INTS9: variants seen among roughly 807,000 people sequenced by gnomAD.
The protein encoded by INTS9 is integrator complex subunit 9.
Under a neutral mutation model 79.7 loss-of-function variants are expected in INTS9, and 55 were observed. The observed-to-expected ratio is 0.69, with a 90% CI of 0.56 to 0.86. INTS9 has a LOEUF of 0.86. Among genes scored for constraint, INTS9 ranks in the 40% least tolerant of loss-of-function variants. The probability of loss-of-function intolerance (pLI) is 0.00; values close to 1 mark genes in which losing one functional copy is unlikely to be tolerated. For missense variants in INTS9, 721 were observed against 831.5 expected (o/e 0.87, Z 1.64); for synonymous variants, 319 against 325.2 (o/e 0.98, Z 0.20).
chr8:28,880,157 G>C (rs1247783185), intron 1 of INTS9, among the ~76,000 whole-genome samples: 1 of 151,982 alleles, frequency 6.6e-6, no homozygotes, highest in African/African-American at 2.4e-5. Flanking sequence ...GAGGAAAGAA[G>C]ACTTATAAAG....
intron 8 of INTS9, among the ~76,000 whole-genome samples, chr8:28,805,652 AG>A (rs1804766946): frequency 6.6e-6 from 1 of 152,196 alleles, no homozygotes; most frequent in African/African-American, 2.4e-5. Context: ...GCAAAGGAAG[AG>A]ATGAGGGGAG....
intron 11 of INTS9, among the ~76,000 whole-genome samples, chr8:28,786,433 G>C (rs777815281): frequency 2.6e-5 from 4 of 152,108 alleles, no homozygotes; most frequent in African/African-American, 4.8e-5. Flanking sequence ...TAGAACTACA[G>C]GCATGTGCCA....
intron 11 of INTS9, among the ~76,000 whole-genome samples, chr8:28,786,282 A>G (rs1481272376): frequency 6.6e-6 from 1 of 151,556 alleles, no homozygotes; most frequent in Non-Finnish European, 1.5e-5. Context: ...CAAAAATTTT[A>G]GATTTTTTTT....
chr8:28,884,735 G>C (rs1178552882), intron 1 of INTS9, among the ~76,000 whole-genome samples: 9 of 152,164 alleles, frequency 5.9e-5, no homozygotes, highest in Non-Finnish European at 1.0e-4. Context: ...AAAGACACAG[G>C]AGGGCACTCT....
rs1489263390 is a variant in INTS9 at position 28,768,208 on chromosome 8, T to C, written c.1915A>G (p.Asn639Asp). The C allele has an allele frequency of 6.2e-7, 1 of 1,614,178 alleles. No individual in the cohort carries two copies. Among genetic ancestry groups the C allele is most frequent in the South Asian group, 1.1e-5 (1 of 91,080 alleles). ...AGTCGCACTCTGAGCATCTCGTCAT[T>C]GTCGCAGATGATATGGGTCGAGTCT... Reference protein sequence around the residue: ...EEDSTHIICDNDEMLRVRLRD... With the variant: ...EEDSTHIICDDDEMLRVRLRD... Residue 639 changes from asparagine (N) to aspartate (D), a missense_variant, in exon 17 of 17, where the codon AAT (asparagine) becomes GAT (aspartate). Transcript: ENST00000521022.
At position 28,821,448 on chromosome 8, in the gene INTS9, G is replaced by T. The variant is rs1805823019; in HGVS notation, c.489-7836C>A. 3.3e-5 allele frequency among the ~76,000 whole-genome samples: 5 copies of T among 152,268 alleles called. No individual in the cohort carries two copies. In the South Asian group the frequency reaches 1.0e-3, roughly 32 times the overall value. ...CCATGATTCCATTATCTCCCCCTGG[G>T]TCCCTCCCACAACATGTGGGAATTC... On this transcript the variant is annotated intron_variant, in intron 6 of 16. Transcript: ENST00000521022.
rs1205695636 is a variant in INTS9, at chr8:28,768,262, C to T, written c.1861G>A (p.Glu621Lys). The T allele has an allele frequency of 6.2e-7, 1 of 1,614,062 alleles. No homozygotes were observed. Among genetic ancestry groups the T allele is most frequent in the East Asian group, 2.2e-5 (1 of 44,888 alleles). The change falls in exon 17 of 17, where the codon GAG (glutamate) becomes AAG (lysine). Residue 621 changes from glutamate (E) to lysine (K), a missense_variant. Physicochemically the swap from Glu to Lys is moderately conservative, Grantham distance 56 (BLOSUM62 1). This residue lies in a region of INTS9 where 281 missense variants were observed against 300.8 expected (regional missense o/e 0.93). Coordinates refer to ENST00000521022, the MANE Select transcript of INTS9 (RefSeq NM_018250.4). ...TCAATCTGGATGAGCGTCTCAGCCT[C>T]CTGGAGCAGGACGATATGGCCCTTG... is the stretch of plus-strand genomic sequence containing the variant. ...TAKGHIVLLQ[E>K]AETLIQIEED...
At chr8:28,812,176 G>A in intron 8 of INTS9, 151 bp downstream of exon 8, 1 of 766,810 alleles carries the variant, frequency 1.3e-6, no homozygotes, top group South Asian at 1.9e-5. Flanking sequence ...AGGTCAAAAT[G>A]TTGAGACTCA....
intron 3 of INTS9, among the ~76,000 whole-genome samples, chr8:28,847,990 G>C (rs923538741): frequency 5.3e-5 from 8 of 152,202 alleles, no homozygotes. Flanking sequence ...TACAGATACC[G>C]GCAGCTGGAA....
intron 10 of INTS9, among the ~76,000 whole-genome samples, chr8:28,789,856 C>T (rs1433915624): frequency 2.0e-5 from 3 of 150,844 alleles, no homozygotes; most frequent in African/African-American, 4.9e-5. Context: ...CCAGCCTGGG[C>T]GACAGAGTGA....
At chr8:28,839,094 G>A (rs910585362) in intron 4 of INTS9, among the ~76,000 whole-genome samples, 1 of 152,074 alleles carries the variant, frequency 6.6e-6, no homozygotes, top group Non-Finnish European at 1.5e-5. Flanking sequence ...CAAGTGACTC[G>A]GTTAAGAGAT....
At chr8:28,793,699 G>T in intron 10 of INTS9, 108 bp downstream of exon 10, 1 of 1,051,428 alleles carries the variant, frequency 9.5e-7, no homozygotes, top group Non-Finnish European at 1.3e-6. Context: ...ACAACAAAAT[G>T]AAATTTCCAC....
At chr8:28,867,577 AACT>A (rs34620423) in intron 1 of INTS9, among the ~76,000 whole-genome samples, 119,858 of 150,206 alleles carry the variant, frequency 0.8, 48,006 homozygotes, top group African/African-American at 0.82. Flanking sequence ...ACAGCCAGCC[AACT>A]ACTTAATCTC....
chr8:28,880,108 C>G (rs1809620981), intron 1 of INTS9, among the ~76,000 whole-genome samples: 1 of 151,764 alleles, frequency 6.6e-6, no homozygotes, highest in African/African-American at 2.4e-5. Context: ...ATTAAAACTA[C>G]TGCTTTTTAC....
rs142896590 is a variant in INTS9 at position 28,863,610 on chromosome 8, T to C, written c.10-4047A>G. ...GACCAATACGGTGAAACCTTGTCTC[T>C]ACTAAAGATACAAAAATTAGCTGGG... On this transcript the variant is annotated intron_variant, in intron 1 of 16. Coordinates refer to ENST00000521022, the MANE Select transcript of INTS9 (RefSeq NM_018250.4). Among the ~76,000 whole-genome samples, 333 of 152,268 alleles carry C rather than the reference T, an allele frequency of 2.2e-3. 1 individual carries two copies. The highest frequency in any genetic ancestry group is 7.7e-3 in the African/African-American group (320 of 41,556).
intron 15 of INTS9, among the ~76,000 whole-genome samples, chr8:28,770,476 C>T (rs564294251): frequency 1.1e-4 from 16 of 152,328 alleles, no homozygotes; most frequent in East Asian, 9.6e-4. Flanking sequence ...TGAATTCTGA[C>T]GGCTCAGTAA....
intron 2 of INTS9, 115 bp downstream of exon 2, chr8:28,859,321 A>G: frequency 8.6e-7 from 1 of 1,165,708 alleles, no homozygotes; most frequent in Non-Finnish European, 1.2e-6. Context: ...GAACATTTTT[A>G]AGGAAACAAA....
At chr8:28,845,628 A>G (rs968099860) in intron 4 of INTS9, among the ~76,000 whole-genome samples, 1 of 152,226 alleles carries the variant, frequency 6.6e-6, no homozygotes, top group Non-Finnish European at 1.5e-5. Context: ...TCAACTGAAA[A>G]CAAATGTAGC....
chr8:28,862,246 TAA>T (rs1255159957), intron 1 of INTS9: 1 of 977,090 alleles, frequency 1.0e-6, no homozygotes, highest in African/African-American at 1.8e-5. Flanking sequence ...ATTATGGAAA[TAA>T]AATTATCTAC....
Sources: allele counts gnomAD v4.1 joint callset (sites outside exome capture counted in the v4.1 genomes callset), GRCh38; gene constraint gnomAD v4.1.1; regional missense constraint gnomAD v4.1.1; transcripts MANE v1.5; gene names NCBI Gene and HGNC (gene_info 2026-07-23, HGNC 2026-07-21).